The following FAM83B variants were observed in gnomAD, a reference collection of about 807,000 sequenced individuals.
FAM83B encodes the protein protein FAM83B.
A neutral mutation model predicts 38.8 loss-of-function variants in FAM83B; 26 were observed. The ratio of observed to expected loss-of-function variants is 0.67; its 90% CI spans 0.49 to 0.93. The LOEUF (loss-of-function observed/expected upper bound fraction) is 0.93, where lower values mean the gene tolerates loss of function less well. Among genes scored for constraint, FAM83B ranks in the 40% least tolerant of loss-of-function variants. The probability of loss-of-function intolerance (pLI) is 0.00; values close to 1 mark genes in which losing one functional copy is unlikely to be tolerated. For synonymous variants in FAM83B, 419 were observed against 423.1 expected, an observed-to-expected ratio of 0.99 and a Z score of 0.12; for missense variants, 1,237 against 1,197.3, an observed-to-expected ratio of 1.03 and a Z score of -0.49.
chr6:54,915,592 G>A lies in FAM83B; in HGVS notation c.445-10779G>A, dbSNP rs530469369. The stretch of plus-strand genomic sequence containing the variant: ...GAGGCCGAGGCGGGTGGATCATGAG[G>A]TCAGGAGATCGAGACCATCCTGGCT... On this transcript the variant is annotated intron_variant, in intron 2 of 4. Transcript: ENST00000306858. Among the ~76,000 whole-genome samples the A allele has an allele frequency of 1.9e-4, 17 of 91,588 alleles. 4 individuals carry two copies. The highest frequency in any genetic ancestry group is 1.3e-3 in the African/African-American group (17 of 13,576). The allele number at this position is 91,588 out of a possible 152,430, so 60.1% of individuals were successfully genotyped here. A position where few individuals can be genotyped will look rare whatever the true frequency, so the allele number is the denominator to read the frequency against.
intron 2 of FAM83B, among the ~76,000 whole-genome samples, chr6:54,908,331 A>G (rs185329157): frequency 1.3e-5 from 2 of 151,954 alleles, no homozygotes; most frequent in African/African-American, 4.8e-5. Flanking sequence ...CACTGTTGAG[A>G]TTCTAACTTT....
intron 2 of FAM83B, among the ~76,000 whole-genome samples, chr6:54,880,693 TC>T (rs1205838332): frequency 6.6e-6 from 1 of 152,152 alleles, no homozygotes; most frequent in Admixed American, 6.5e-5. Flanking sequence ...TCTGTCCGCC[TC>T]GGCCTCCCCA....
intron 2 of FAM83B, among the ~76,000 whole-genome samples, chr6:54,878,580 T>G (rs776535367): frequency 6.6e-5 from 10 of 152,150 alleles, no homozygotes; most frequent in Non-Finnish European, 1.5e-4. Flanking sequence ...GAAGCTTTCT[T>G]GTTTTTTAGA....
rs780493924 is a variant in FAM83B, at chr6:54,939,910, A to C, written c.939A>C (p.Leu313Phe). Reference sequence around the variant, plus strand: ...CTTACCAGCATTCGGTGTCTTCATTAGCATCTGTTTCCAGCCAGAGAAACC... The same window carrying C: ...CTTACCAGCATTCGGTGTCTTCATTCGCATCTGTTTCCAGCCAGAGAAACC... The part of the protein sequence containing the change: ...NGTYQHSVSS[L>F]ASVSSQRNLF... Residue 313 changes from leucine (L) to phenylalanine (F), a missense_variant, in exon 5 of 5, where the codon TTA becomes TTC. By Grantham distance (22) the Leu-to-Phe change is conservative. Coordinates refer to ENST00000306858, the MANE Select transcript of FAM83B (RefSeq NM_001010872.3). The C allele has an allele frequency of 1.2e-6, 2 of 1,614,084 alleles. No individual in the cohort carries two copies. Among genetic ancestry groups the C allele is most frequent in the East Asian group, 4.5e-5 (2 of 44,866 alleles).
At chr6:54,906,768 C>G (rs965817036) in intron 2 of FAM83B, among the ~76,000 whole-genome samples, 1 of 152,136 alleles carries the variant, frequency 6.6e-6, no homozygotes. Context: ...TTACCATTCT[C>G]TCAGTTAATA....
intron 1 of FAM83B, among the ~76,000 whole-genome samples, chr6:54,865,585 T>C (rs1155749): frequency 0.37 from 55,834 of 152,024 alleles, 11,402 homozygotes; most frequent in East Asian, 0.85. Flanking sequence ...GACTGGAAAA[T>C]GGACTGCAGT....
intron 4 of FAM83B, among the ~76,000 whole-genome samples, chr6:54,929,023 C>G (rs888988459): frequency 2.6e-5 from 4 of 152,086 alleles, no homozygotes; most frequent in Non-Finnish European, 5.9e-5. Flanking sequence ...ATGATAGTAA[C>G]TGTAGAATTC....
chr6:54,931,391 C>T (rs370064929), intron 4 of FAM83B, among the ~76,000 whole-genome samples: 4 of 152,034 alleles, frequency 2.6e-5, no homozygotes, highest in Non-Finnish European at 5.9e-5. Context: ...ATTGAAGTCT[C>T]CTACTAATAC....
intron 1 of FAM83B, among the ~76,000 whole-genome samples, chr6:54,852,992 G>A (rs934018320): frequency 3.2e-4 from 48 of 151,696 alleles, no homozygotes; most frequent in Non-Finnish European, 4.7e-4. Flanking sequence ...TATTTTATGC[G>A]TAGCCCAAGA....
chr6:54,854,626 A>G (rs1342858606), intron 1 of FAM83B, among the ~76,000 whole-genome samples: 1 of 152,228 alleles, frequency 6.6e-6, no homozygotes, highest in African/African-American at 2.4e-5. Context: ...TGCACACTTA[A>G]TAAGCCACAG....
At chr6:54,850,562 A>G (rs1246452366) in intron 1 of FAM83B, among the ~76,000 whole-genome samples, 1 of 152,196 alleles carries the variant, frequency 6.6e-6, no homozygotes, top group African/African-American at 2.4e-5. Flanking sequence ...AAAGCACTAA[A>G]GAGTGTCATC....
rs1773747582 is a variant in FAM83B at position 54,943,460 on chromosome 6, A to C, written c.*1453A>C. 1 of 152,182 alleles carries C rather than the reference A, an allele frequency of 6.6e-6. No individual in the cohort carries two copies. The highest frequency in any genetic ancestry group is 6.5e-5 in the Admixed American group (1 of 15,274). The allele number at this position is 152,182 out of a possible 1,614,324, so 9.4% of individuals were successfully genotyped here. A position where few individuals can be genotyped will look rare whatever the true frequency, so the allele number is the denominator to read the frequency against. On this transcript the variant is annotated 3_prime_UTR_variant, in exon 5 of 5. Coordinates refer to ENST00000306858, the MANE Select transcript of FAM83B (RefSeq NM_001010872.3). The stretch of plus-strand genomic sequence containing the variant: ...GAAGTGTTTGTACATCACTTTAAAT[A>C]TATTACTTAATATATTCTAAGTTGC...
rs1773651978 is a variant in FAM83B, at chr6:54,940,578, C to T, written c.1607C>T (p.Thr536Ile). 1.9e-6 allele frequency: 3 copies of T among 1,614,086 alleles called. No individual in the cohort carries two copies. Among genetic ancestry groups the T allele is most frequent in the South Asian group, 1.1e-5 (1 of 91,084 alleles). ...PENLKANALY[T>I]HSRLRSSLVF... The stretch of plus-strand genomic sequence containing the variant: ...AATTTGAAGGCCAATGCCCTTTATA[C>T]TCATTCTCGGCTTCGTTCCTCTTTA... Residue 536 changes from threonine to isoleucine, a missense_variant, in exon 5 of 5, where the codon ACT (threonine) becomes ATT (isoleucine). Thr to Ile is a moderately conservative substitution (Grantham distance 89). Transcript: ENST00000306858.
At chr6:54,937,213 AT>A (rs1389996060) in intron 4 of FAM83B, among the ~76,000 whole-genome samples, 1 of 151,566 alleles carries the variant, frequency 6.6e-6, no homozygotes, top group African/African-American at 2.4e-5. Context: ...CAATTCATTT[AT>A]TTTTCAGTTC....
chr6:54,851,354 T>C (rs1313954060), intron 1 of FAM83B, among the ~76,000 whole-genome samples: 1 of 152,054 alleles, frequency 6.6e-6, no homozygotes, highest in Non-Finnish European at 1.5e-5. Flanking sequence ...CCTTCTGATT[T>C]ACTTTTTTTC....
intron 2 of FAM83B, among the ~76,000 whole-genome samples, chr6:54,901,559 T>C (rs897820734): frequency 1.3e-5 from 2 of 152,208 alleles, no homozygotes; most frequent in South Asian, 4.1e-4. Context: ...TAATAACTTA[T>C]AGAGGTTCTT....
intron 2 of FAM83B, among the ~76,000 whole-genome samples, chr6:54,912,837 G>A (rs1228624010): frequency 6.6e-6 from 1 of 151,944 alleles, no homozygotes; most frequent in Non-Finnish European, 1.5e-5. Context: ...CTATTGGTGT[G>A]AAAATATCCA....
intron 1 of FAM83B, among the ~76,000 whole-genome samples, chr6:54,863,864 T>G (rs1002282676): frequency 6.6e-6 from 1 of 152,220 alleles, no homozygotes; most frequent in Non-Finnish European, 1.5e-5. Flanking sequence ...TCTCTATTTA[T>G]TCATCCAAAT....
At chr6:54,851,105 T>C (rs1194447428) in intron 1 of FAM83B, among the ~76,000 whole-genome samples, 1 of 152,018 alleles carries the variant, frequency 6.6e-6, no homozygotes, top group Non-Finnish European at 1.5e-5. Flanking sequence ...TATAGCTAAG[T>C]TGTTTTTAGA....
Sources: allele counts gnomAD v4.1 joint callset (sites outside exome capture counted in the v4.1 genomes callset), GRCh38; gene constraint gnomAD v4.1.1; transcripts MANE v1.5; gene names NCBI Gene and HGNC (gene_info 2026-07-23, HGNC 2026-07-21).